Variants in LRCH2 observed in about 807,000 individuals in gnomAD.
LRCH2 encodes leucine rich repeats and calponin homology domain containing 2.
Under a neutral mutation model 68.9 loss-of-function variants are expected in LRCH2, and 38 were observed. The observed-to-expected ratio is 0.55, with a 90% CI of 0.43 to 0.72. The LOEUF is 0.72. LRCH2 is among the 30% of genes least tolerant of loss of function. The pLI, the probability that LRCH2 is intolerant of heterozygous loss-of-function variation, is 0.00. For synonymous variants in LRCH2, 191 were observed against 208.1 expected, an observed-to-expected ratio of 0.92 and a Z score of 0.71; for missense variants, 528 against 572.9, an observed-to-expected ratio of 0.92 and a Z score of 0.80.
At chrX:115,142,717 A>G (rs192037060) in intron 14 of LRCH2, among the ~76,000 whole-genome samples, 69 of 111,849 alleles carry the variant, frequency 6.2e-4, no homozygotes, top group African/African-American at 2.1e-3. Context: ...GCTTACATCA[A>G]AAGAGAAGAA....
At chrX:115,144,540 G>GT (rs2072365639) in intron 14 of LRCH2, among the ~76,000 whole-genome samples, 1 of 96,202 alleles carries the variant, frequency 1.0e-5, no homozygotes, top group Admixed American at 1.1e-4. Flanking sequence ...ATATAATCTT[G>GT]TATTTGGAAA....
At chrX:115,194,148 T>C (rs781811056) in intron 1 of LRCH2, among the ~76,000 whole-genome samples, 4 of 111,418 alleles carry the variant, frequency 3.6e-5, no homozygotes, top group African/African-American at 9.8e-5. Context: ...GAGATACATA[T>C]AGAGAAGGAG....
intron 14 of LRCH2, among the ~76,000 whole-genome samples, chrX:115,132,347 C>T (rs1556530508): frequency 9.0e-6 from 1 of 111,455 alleles, no homozygotes; most frequent in Non-Finnish European, 1.9e-5. Flanking sequence ...GAATCCTTTC[C>T]CCATTTCTTG....
At chrX:115,141,338 T>C (rs1292954965) in intron 14 of LRCH2, among the ~76,000 whole-genome samples, 4 of 111,322 alleles carry the variant, frequency 3.6e-5, no homozygotes, top group Non-Finnish European at 7.5e-5. Context: ...GCTTTGGTTT[T>C]AAACATTTTA....
intron 5 of LRCH2, among the ~76,000 whole-genome samples, chrX:115,177,370 A>G (rs6655307): frequency 0.011 from 1,166 of 110,877 alleles, 19 homozygotes; most frequent in African/African-American, 0.037. Flanking sequence ...TGACTCCAAA[A>G]ATTCAGTATA....
rs200694086 is a variant in LRCH2 at position 115,125,640 on chromosome X, C to CAT, written c.1791+1201_1791+1202dup. On this transcript the variant is annotated intron_variant, in intron 16 of 20. Coordinates refer to ENST00000317135, the MANE Select transcript of LRCH2 (RefSeq NM_020871.4). ...ATATGTATATATATACATATATATA[C>CAT]ATATATATATACACGTATATATATA... 1.3e-3 allele frequency among the ~76,000 whole-genome samples: 92 copies of CAT among 71,175 alleles called. 14 individuals carry two copies. The highest frequency in any genetic ancestry group is 5.2e-3 in the African/African-American group (84 of 16,107). The allele number at this position is 71,175 out of a possible 115,157, so 61.8% of individuals were successfully genotyped here.
rs782377324 is a variant in LRCH2 at position 115,123,080 on chromosome X, G to A, written c.1962C>T (p.Asn654=). The change falls in exon 18 of 21, where the codon AAC becomes AAT. Residue 654 remains asparagine (N), a splice_region_variant and synonymous_variant. Transcript: ENST00000317135. ...GATCTGAAAGAGCAATCTGACTTAC[G>A]TTGCGAAGTTGTCGTATTTGCTCTC... The part of the protein sequence containing the change: ...EEREQIRQLR[N]NLESRLKVIL... 1.7e-5 allele frequency: 21 copies of A among 1,201,332 alleles called. No homozygotes were observed. In the African/African-American group the frequency reaches 1.9e-4, roughly 11 times the overall value.
At chrX:115,127,641 C>G (rs1346946708) in intron 15 of LRCH2, among the ~76,000 whole-genome samples, 1 of 110,466 alleles carries the variant, frequency 9.1e-6, no homozygotes, top group Non-Finnish European at 1.9e-5. Context: ...ATAAGGGGCA[C>G]TTGGGGGGGA....
chrX:115,181,072 G>C (rs1556552422), intron 3 of LRCH2, among the ~76,000 whole-genome samples: 1 of 111,590 alleles, frequency 9.0e-6, no homozygotes, highest in East Asian at 2.8e-4. Flanking sequence ...GCTAAAAGGT[G>C]AACCATACTA....
chrX:115,173,430 A>G (rs1475455368), intron 5 of LRCH2, among the ~76,000 whole-genome samples: 1 of 111,798 alleles, frequency 8.9e-6, no homozygotes, highest in Non-Finnish European at 1.9e-5. Flanking sequence ...ACAGATGATA[A>G]AAGGTTGGGC....
At chrX:115,179,027 A>G (rs73224803) in intron 5 of LRCH2, among the ~76,000 whole-genome samples, 2,872 of 112,162 alleles carry the variant, frequency 0.026, 48 homozygotes, top group Non-Finnish European at 0.041. Context: ...ACTAAAAGTC[A>G]TAATTAATAT....
chrX:115,116,934 A>G (rs1265419804), intron 20 of LRCH2, among the ~76,000 whole-genome samples: 6 of 111,158 alleles, frequency 5.4e-5, no homozygotes, highest in Admixed American at 9.6e-5. Context: ...TTGTACTTCA[A>G]TAAGTGAAGA....
At position 115,234,052 on chromosome X, in the gene LRCH2, G is replaced by C; in HGVS notation, c.-11C>G. The C allele has an allele frequency of 4.3e-5, 50 of 1,163,565 alleles. No homozygotes were observed. Among genetic ancestry groups the C allele is most frequent in the Non-Finnish European group, 5.7e-5 (50 of 871,283 alleles). The stretch of plus-strand genomic sequence containing the variant: ...CTGACTCGCCGCCATGTTCCTGGGA[G>C]AGAGAATAGCCCCCGACAATACTGT... On this transcript the variant is annotated 5_prime_UTR_variant, in exon 1 of 21. Transcript: ENST00000317135.
intron 12 of LRCH2, among the ~76,000 whole-genome samples, chrX:115,152,612 A>G (rs1231310180): frequency 8.9e-6 from 1 of 111,851 alleles, no homozygotes; most frequent in Admixed American, 9.6e-5. Flanking sequence ...TAAAGAATGA[A>G]TAGAACATCA....
intron 11 of LRCH2, 134 bp from the exon 12 acceptor site, chrX:115,156,801 T>C (rs1008250018): frequency 6.0e-5 from 22 of 367,957 alleles, no homozygotes; most frequent in Non-Finnish European, 9.1e-5. Flanking sequence ...AAATATTATT[T>C]AGATCAGATG....
At chrX:115,157,952 C>T in intron 11 of LRCH2, among the ~76,000 whole-genome samples, 1 of 110,363 alleles carries the variant, frequency 9.1e-6, no homozygotes, top group African/African-American at 3.3e-5. Context: ...GATCCACTTA[C>T]CTATACAATA....
chrX:115,117,048 G>A (rs1556524291), intron 20 of LRCH2, among the ~76,000 whole-genome samples: 1 of 111,247 alleles, frequency 9.0e-6, no homozygotes, highest in East Asian at 2.8e-4. Flanking sequence ...AACTTGTAAA[G>A]AAATCTGAAA....
chrX:115,123,211 C>T lies in LRCH2; in HGVS notation c.1850-19G>A. The T allele has an allele frequency of 8.6e-7, 1 of 1,160,118 alleles. No homozygotes were observed. The highest frequency in any genetic ancestry group is 1.2e-6 in the Non-Finnish European group (1 of 854,919). Reference sequence around the variant, plus strand: ...CTAAAAGCTATAAAAACAGAAATTTCCTAACTTGTTACAAAGTTAATGGGA... The same window carrying T: ...CTAAAAGCTATAAAAACAGAAATTTTCTAACTTGTTACAAAGTTAATGGGA... On this transcript the variant is annotated intron_variant, in intron 17 of 20. Transcript: ENST00000317135.
At position 115,171,002 on chromosome X, in the gene LRCH2, T is replaced by A. The variant is rs782328236; in HGVS notation, c.865-570A>T. Among the ~76,000 whole-genome samples, 7 of 111,526 alleles carry A rather than the reference T, an allele frequency of 6.3e-5. No individual in the cohort carries two copies. The East Asian group carries it at 1.7e-3, about 27-fold the overall frequency. On this transcript the variant is annotated intron_variant, in intron 5 of 20. Transcript: ENST00000317135. ...TAATATCCTAAGAAATTACTTTCGT[T>A]GGCCATAGAGAAAATGAATAATGAG...
Sources: gnomAD v4.1 joint callset for allele counts (sites outside exome capture counted in the v4.1 genomes callset) on GRCh38, gnomAD v4.1.1 for gene constraint, MANE v1.5 for transcripts, NCBI Gene and HGNC (gene_info 2026-07-23, HGNC 2026-07-21) for gene names.